Variants in FMN1 observed in about 807,000 individuals in gnomAD.
The protein encoded by FMN1 is formin-1.
Under a neutral mutation model 132.4 loss-of-function variants are expected in FMN1, and 110 were observed. The observed-to-expected ratio is 0.83, with a 90% CI of 0.71 to 0.97. FMN1 has a LOEUF of 0.97. Among genes scored for constraint, FMN1 ranks in the 50% least tolerant of loss-of-function variants. FMN1 has a pLI of 0.00. For missense variants in FMN1, 1,792 were observed against 1,705.3 expected (o/e 1.05, Z -0.90); for synonymous variants, 722 against 651.7 (o/e 1.11, Z -1.64).
intron 16 of FMN1, among the ~76,000 whole-genome samples, chr15:32,881,930 A>G (rs1485695415): frequency 6.6e-6 from 1 of 152,206 alleles, no homozygotes; most frequent in Non-Finnish European, 1.5e-5. Context: ...GTCCTCTGCT[A>G]TTAGTTCAGT....
At chr15:32,826,790 T>C (rs1383664115) in intron 17 of FMN1, among the ~76,000 whole-genome samples, 1 of 152,234 alleles carries the variant, frequency 6.6e-6, no homozygotes, top group Admixed American at 6.5e-5. Context: ...GGCTTCCAGA[T>C]AGCATCTTAG....
At chr15:32,876,469 C>T (rs2059640272) in intron 16 of FMN1, among the ~76,000 whole-genome samples, 1 of 152,160 alleles carries the variant, frequency 6.6e-6, no homozygotes. Context: ...AGCATTCAGT[C>T]AATCTAAATG....
chr15:32,857,166 G>T, intron 16 of FMN1, 59 bp from the exon 17 acceptor site: 1 of 1,301,800 alleles, frequency 7.7e-7, no homozygotes, highest in Non-Finnish European at 1.1e-6. Flanking sequence ...CTCCTGCTAT[G>T]GGCCAGGTAC....
chr15:32,868,166 A>C (rs1327034865), intron 16 of FMN1, among the ~76,000 whole-genome samples: 1 of 152,244 alleles, frequency 6.6e-6, no homozygotes, highest in Non-Finnish European at 1.5e-5. Context: ...ATGAAGCTGA[A>C]AAATTCTGAT....
At chr15:32,956,062 T>C (rs1314837329) in intron 9 of FMN1, among the ~76,000 whole-genome samples, 6 of 152,162 alleles carry the variant, frequency 3.9e-5, no homozygotes, top group South Asian at 4.1e-4. Flanking sequence ...TGGTCCACAA[T>C]AGAGATATGA....
At chr15:33,067,175 T>C (rs2037776607) in intron 5 of FMN1, 1 of 1,613,802 alleles carries the variant, frequency 6.2e-7, no homozygotes, top group Admixed American at 1.7e-5. Context: ...GGACCCTTCT[T>C]CTCCCACCTG....
intron 4 of FMN1, among the ~76,000 whole-genome samples, chr15:33,125,504 T>A (rs1207405984): frequency 1.3e-5 from 2 of 152,092 alleles, no homozygotes; most frequent in Non-Finnish European, 2.9e-5. Context: ...GGTCTTCAAA[T>A]GAACCCTTCT....
intron 10 of FMN1, among the ~76,000 whole-genome samples, chr15:32,925,024 CAT>C (rs1205285252): frequency 1.3e-5 from 2 of 152,286 alleles, no homozygotes; most frequent in Admixed American, 6.5e-5. Context: ...GAAAAGGTAT[CAT>C]GTGTTCTGGT....
intron 17 of FMN1, among the ~76,000 whole-genome samples, chr15:32,854,730 T>C (rs1044081885): frequency 1.1e-4 from 17 of 152,016 alleles, no homozygotes; most frequent in African/African-American, 3.9e-4. Flanking sequence ...CTGGCCAACA[T>C]AGTGAAACCC....
At chr15:33,071,152 A>AAAAC (rs992164753) in intron 5 of FMN1, among the ~76,000 whole-genome samples, 4 of 152,324 alleles carry the variant, frequency 2.6e-5, no homozygotes, top group South Asian at 4.1e-4. Flanking sequence ...AACATCACCA[A>AAAAC]AAACAAACAA....
intron 7 of FMN1, among the ~76,000 whole-genome samples, chr15:32,976,206 G>C (rs1265718014): frequency 1.3e-5 from 2 of 152,108 alleles, no homozygotes; most frequent in Non-Finnish European, 2.9e-5. Flanking sequence ...CCCTAGGCTG[G>C]GGAAAGCTAG....
chr15:32,884,279 A>G (rs1038282219), intron 16 of FMN1, among the ~76,000 whole-genome samples: 1 of 152,200 alleles, frequency 6.6e-6, no homozygotes, highest in African/African-American at 2.4e-5. Flanking sequence ...TAGAGGCTCT[A>G]GGGAGAATCT....
intron 4 of FMN1, among the ~76,000 whole-genome samples, chr15:33,124,522 C>T (rs1056062602): frequency 7.4e-6 from 1 of 135,422 alleles, no homozygotes; most frequent in Admixed American, 8.0e-5. Context: ...TTAAAGCTCT[C>T]CCAAAGTGAT....
At chr15:32,998,855 A>C (rs1479914295) in intron 7 of FMN1, among the ~76,000 whole-genome samples, 1 of 152,342 alleles carries the variant, frequency 6.6e-6, no homozygotes, top group East Asian at 1.9e-4. Context: ...TCAACATTCT[A>C]CAACAGCCTC....
intron 6 of FMN1, among the ~76,000 whole-genome samples, chr15:33,054,486 G>A (rs2141194153): frequency 6.6e-6 from 1 of 152,268 alleles, no homozygotes; most frequent in Admixed American, 6.5e-5. Flanking sequence ...CTTTCAGGAT[G>A]TAAAAACTGG....
intron 7 of FMN1, among the ~76,000 whole-genome samples, chr15:32,970,364 T>C (rs564439051): frequency 1.5e-4 from 23 of 152,314 alleles, no homozygotes; most frequent in African/African-American, 5.5e-4. Flanking sequence ...TAATTAAATA[T>C]TTTTTGTCAA....
intron 12 of FMN1, among the ~76,000 whole-genome samples, chr15:32,902,798 C>T (rs533039876): frequency 1.3e-5 from 2 of 152,150 alleles, no homozygotes; most frequent in Non-Finnish European, 1.5e-5. Flanking sequence ...GAAAGAGCGA[C>T]ATACTCTCCA....
At chr15:32,905,281 G>GGT (rs1253229063) in intron 12 of FMN1, among the ~76,000 whole-genome samples, 7 of 152,140 alleles carry the variant, frequency 4.6e-5, no homozygotes, top group Admixed American at 4.6e-4. Flanking sequence ...ATTTCTGAAT[G>GGT]GTATCACCTA....
intron 2 of FMN1, among the ~76,000 whole-genome samples, chr15:33,190,410 C>T (rs1190018905): frequency 1.3e-5 from 2 of 152,156 alleles, no homozygotes; most frequent in Non-Finnish European, 2.9e-5. Context: ...CCCAAAATTA[C>T]TATGGTGAGT....
Sources: gnomAD v4.1 joint callset for allele counts (sites outside exome capture counted in the v4.1 genomes callset) on GRCh38, gnomAD v4.1.1 for gene constraint, MANE v1.5 for transcripts, NCBI Gene and HGNC (gene_info 2026-07-23, HGNC 2026-07-21) for gene names.